LANCL1: variants seen among roughly 807,000 people sequenced by gnomAD.
LANCL1 encodes the protein LanC like glutathione S-transferase 1.
In LANCL1, 50 loss-of-function variants were observed where a neutral mutation model predicts 50.6. The ratio of observed to expected loss-of-function variants is 0.99; its 90% CI spans 0.79 to 1.25. The LOEUF is 1.25. Ranked by LOEUF, LANCL1 falls within the 50% of genes most tolerant of loss-of-function variation. The probability of loss-of-function intolerance (pLI) is 0.00; values close to 1 mark genes in which losing one functional copy is unlikely to be tolerated. For missense variants in LANCL1, 532 were observed against 480.7 expected, an observed-to-expected ratio of 1.11 and a Z score of -1.00; for synonymous variants, 188 against 178.6, an observed-to-expected ratio of 1.05 and a Z score of -0.42.
chr2:210,455,356 C>A, intron 3 of LANCL1, 42 bp from the exon 4 acceptor site: 1 of 1,523,404 alleles, frequency 6.6e-7, no homozygotes, highest in Non-Finnish European at 8.9e-7. Flanking sequence ...TGAGGAAAGG[C>A]AGTTATTTTA....
intron 3 of LANCL1, among the ~76,000 whole-genome samples, chr2:210,458,223 A>C (rs1693726594): frequency 6.6e-6 from 1 of 152,152 alleles, no homozygotes; most frequent in Non-Finnish European, 1.5e-5. Flanking sequence ...TACTTACATA[A>C]GAGAAAAATA....
At chr2:210,441,908 A>ATT (rs35332921) in intron 4 of LANCL1, among the ~76,000 whole-genome samples, 13 of 143,310 alleles carry the variant, frequency 9.1e-5, no homozygotes, top group East Asian at 2.0e-4. Context: ...ATACATGTAC[A>ATT]TTTTTTTTTT....
At chr2:210,457,883 A>G (rs1693717828) in intron 3 of LANCL1, among the ~76,000 whole-genome samples, 1 of 152,204 alleles carries the variant, frequency 6.6e-6, no homozygotes, top group African/African-American at 2.4e-5. Flanking sequence ...TCTCTCAACA[A>G]TAATGCCCTG....
At chr2:210,440,835 G>A in intron 5 of LANCL1, 91 bp from the exon 6 acceptor site, 2 of 1,154,140 alleles carry the variant, frequency 1.7e-6, no homozygotes, top group South Asian at 1.6e-5. Context: ...AGGTACTGGG[G>A]AACATGACAA....
chr2:210,435,706 T>A (rs974741578), intron 8 of LANCL1, among the ~76,000 whole-genome samples: 5 of 152,088 alleles, frequency 3.3e-5, no homozygotes, highest in Non-Finnish European at 7.4e-5. Context: ...CCTACATCTT[T>A]ATTTTTTTCT....
chr2:210,434,830 A>G (rs1692867799), intron 9 of LANCL1, among the ~76,000 whole-genome samples: 1 of 151,964 alleles, frequency 6.6e-6, no homozygotes, highest in Non-Finnish European at 1.5e-5. Flanking sequence ...ACCCCCCGAG[A>G]GCAGTTACAA....
At chr2:210,446,825 C>T (rs73069783) in intron 4 of LANCL1, among the ~76,000 whole-genome samples, 10,697 of 151,880 alleles carry the variant, frequency 0.07, 1,199 homozygotes, top group African/African-American at 0.24. Context: ...TAAAAAGGAA[C>T]GAAAGCCTCC....
intron 3 of LANCL1, among the ~76,000 whole-genome samples, chr2:210,462,303 A>T (rs1380050546): frequency 6.6e-6 from 1 of 152,240 alleles, no homozygotes; most frequent in East Asian, 1.9e-4. Context: ...CCCCTGCTAC[A>T]CAAGCCATGA....
At chr2:210,456,600 T>C (rs780603937) in intron 3 of LANCL1, among the ~76,000 whole-genome samples, 8 of 152,128 alleles carry the variant, frequency 5.3e-5, no homozygotes, top group Non-Finnish European at 1.2e-4. Context: ...AAAACCCTTT[T>C]CACAAATGAT....
Position 210,455,284 on chromosome 2 carries a change from T to C in LANCL1, c.230A>G (p.Asp77Gly). ...GIAVLYLHLYDVFGDPAYLQL... is the reference protein window; with the variant it reads ...GIAVLYLHLYGVFGDPAYLQL... The stretch of plus-strand genomic sequence containing the variant: ...TAGGTAGGCAGGGTCCCCAAATACA[T>C]CATAAAGATGTAAGTAAAGCACAGC... The change falls in exon 4 of 10, where the codon GAT (aspartate) becomes GGT (glycine). Residue 77 changes from aspartate to glycine, a missense_variant. Coordinates refer to ENST00000450366, the MANE Select transcript of LANCL1 (RefSeq NM_006055.3). The C allele has an allele frequency of 6.3e-7, 1 of 1,581,364 alleles. No homozygotes were observed. The highest frequency in any genetic ancestry group is 1.1e-5 in the South Asian group (1 of 89,804).
chr2:210,462,057 A>C (rs559190453), intron 3 of LANCL1, among the ~76,000 whole-genome samples: 5 of 152,168 alleles, frequency 3.3e-5, no homozygotes, highest in Non-Finnish European at 5.9e-5. Flanking sequence ...TGTTCTCCCC[A>C]CTAGCACCTA....
chr2:210,443,258 G>A (rs1693201726), intron 4 of LANCL1, among the ~76,000 whole-genome samples: 1 of 152,158 alleles, frequency 6.6e-6, no homozygotes, highest in East Asian at 1.9e-4. Flanking sequence ...TTTGGGGGGA[G>A]GGGAGTGGGC....
chr2:210,461,855 T>TA, intron 3 of LANCL1, among the ~76,000 whole-genome samples: 1 of 152,174 alleles, frequency 6.6e-6, no homozygotes, highest in Non-Finnish European at 1.5e-5. Context: ...TATTGTCTCT[T>TA]AAAGACAGTA....
intron 3 of LANCL1, among the ~76,000 whole-genome samples, chr2:210,461,259 C>T (rs144280594): frequency 9.3e-4 from 142 of 152,104 alleles, no homozygotes; most frequent in African/African-American, 3.0e-3. Context: ...ATGAATCCAG[C>T]GTAAATCCAT....
intron 4 of LANCL1, among the ~76,000 whole-genome samples, chr2:210,452,216 TCCC>T (rs1434204791): frequency 7.3e-5 from 11 of 150,286 alleles, no homozygotes; most frequent in Admixed American, 6.6e-4. Flanking sequence ...TATTTTTAAA[TCCC>T]TTTTCTGCTT....
In LANCL1 at chr2:210,476,416, C is replaced by T; in HGVS notation, c.-16-4G>A. On this transcript the variant is annotated splice_region_variant and splice_polypyrimidine_tract_variant and intron_variant, in intron 1 of 9. Transcript: ENST00000450366. ...AGCCATGACGCCGGAAGCAAGCCTG[C>T]AGAACAGGGGAAAAACAGAAACTAG... 6.2e-7 allele frequency: 1 copy of T among 1,612,150 alleles called. No homozygotes were observed.
Position 210,441,315 on chromosome 2 carries a change from A to G in LANCL1, c.536T>C (p.Ile179Thr), listed in dbSNP as rs766401275. 2 of 1,612,444 alleles carry G rather than the reference A, an allele frequency of 1.2e-6. No individual in the cohort carries two copies. Among genetic ancestry groups the G allele is most frequent in the South Asian group, 2.2e-5 (2 of 90,810 alleles). Residue 179 changes from isoleucine (I) to threonine (T), a missense_variant, in exon 5 of 10, where the codon ATT becomes ACT. Coordinates refer to ENST00000450366, the MANE Select transcript of LANCL1 (RefSeq NM_006055.3). ...AACACAAAAACGTGGTACCTGCTGA[A>G]TATGGCTTTGAGGAATCTTTTCCAC... ...FGVEKIPQSHIQQICETILTS... is the reference protein window; with the variant it reads ...FGVEKIPQSHTQQICETILTS...
At chr2:210,440,802 G>A in intron 5 of LANCL1, 58 bp from the exon 6 acceptor site, 1 of 1,532,224 alleles carries the variant, frequency 6.5e-7, no homozygotes, top group Non-Finnish European at 8.8e-7. Flanking sequence ...CTTCCTGGAG[G>A]AGGTAAAGAC....
At chr2:210,468,601 T>G (rs962410426) in intron 3 of LANCL1, 1 of 152,100 alleles carries the variant, frequency 6.6e-6, no homozygotes, top group African/African-American at 2.4e-5. Context: ...ACAACTGAAA[T>G]GTTGAGTGGG....
Sources: allele counts gnomAD v4.1 joint callset (sites outside exome capture counted in the v4.1 genomes callset), GRCh38; gene constraint gnomAD v4.1.1; transcripts MANE v1.5; gene names NCBI Gene and HGNC (gene_info 2026-07-23, HGNC 2026-07-21).